The following PLXNC1 variants were observed in gnomAD, a reference collection of about 807,000 sequenced individuals.
PLXNC1 encodes plexin-C1.
Under a neutral mutation model 178.2 loss-of-function variants are expected in PLXNC1, and 75 were observed. The ratio of observed to expected loss-of-function variants is 0.42; its 90% CI spans 0.35 to 0.51. The LOEUF (loss-of-function observed/expected upper bound fraction) is 0.51, where lower values mean the gene tolerates loss of function less well. PLXNC1 is among the 20% of genes least tolerant of loss of function. The pLI is 0.02. For synonymous variants in PLXNC1, 790 were observed against 779.9 expected (o/e 1.01, Z -0.22); for missense variants, 1,503 against 1,984.4 (o/e 0.76, Z 4.61).
rs539709048 is a variant in PLXNC1 at position 94,226,151 on chromosome 12, G to A, written c.1791-454G>A. Among the ~76,000 whole-genome samples the A allele has an allele frequency of 1.6e-3, 243 of 152,268 alleles. 4 individuals are homozygous for A. The highest frequency in any genetic ancestry group is 5.8e-3 in the African/African-American group (239 of 41,546). On this transcript the variant is annotated intron_variant, in intron 7 of 30. Transcript: ENST00000258526. ...ATTATAAAGCAAACACAGGCACCTCGTTGCCTCTGCTTGCCAGCTAACACT... is the reference window on the plus strand; with the variant it reads ...ATTATAAAGCAAACACAGGCACCTCATTGCCTCTGCTTGCCAGCTAACACT...
chr12:94,177,117 A>G (rs146822508), intron 2 of PLXNC1, among the ~76,000 whole-genome samples: 22,315 of 97,516 alleles, frequency 0.23, 3,409 homozygotes, highest in African/African-American at 0.46. Context: ...GTGTGTATAT[A>G]TGTGTGTGTG....
At chr12:94,302,205 C>G (rs1484646060) in intron 28 of PLXNC1, among the ~76,000 whole-genome samples, 1 of 152,214 alleles carries the variant, frequency 6.6e-6, no homozygotes, top group African/African-American at 2.4e-5. Flanking sequence ...CTTCAGCCCT[C>G]TTTGCTGGCC....
chr12:94,241,759 ATCTGTTGATGGAC>A (rs1304359159), intron 11 of PLXNC1, among the ~76,000 whole-genome samples: 1 of 152,044 alleles, frequency 6.6e-6, no homozygotes, highest in African/African-American at 2.4e-5. Context: ...TTATCCTCTA[ATCTGTTGATGGAC>A]ACTTAGGTTG....
intron 3 of PLXNC1, 46 bp from the exon 4 acceptor site, chr12:94,186,327 C>G (rs760231626): frequency 7.3e-7 from 1 of 1,367,930 alleles, no homozygotes; most frequent in Non-Finnish European, 1.0e-6. Flanking sequence ...AGTTTTCCTG[C>G]TGTTGCTTAT....
chr12:94,190,422 G>T (rs1036682339), intron 4 of PLXNC1, among the ~76,000 whole-genome samples: 2 of 151,904 alleles, frequency 1.3e-5, no homozygotes, highest in African/African-American at 4.8e-5. Flanking sequence ...TTTGTATTTT[G>T]TAGAGACGGG....
At chr12:94,243,824 T>A (rs1592803287) in intron 11 of PLXNC1, 114 bp from the exon 12 acceptor site, 1 of 489,052 alleles carries the variant, frequency 2.0e-6, no homozygotes, top group East Asian at 3.1e-5. Context: ...TAATTTGCTC[T>A]CAAACATAAT....
In PLXNC1 at chr12:94,209,654, G is replaced by A. The variant is rs781069331; in HGVS notation, c.1504G>A (p.Gly502Arg). The A allele has an allele frequency of 4.3e-6, 7 of 1,612,498 alleles. No homozygotes were observed. In the African/African-American group the frequency reaches 8.0e-5, roughly 18 times the overall value. ...NLENWLDISS[G>R]AKKCPKIQII... The stretch of plus-strand genomic sequence containing the variant: ...AGAAAACTGGCTGGATATTTCGTCT[G>A]GAGCAAAAAAGTGCCCTAAAATTCA... Residue 502 changes from glycine to arginine, a missense_variant, in exon 5 of 31, where the codon GGA (glycine) becomes AGA (arginine). This residue lies in a region of PLXNC1 where 615 missense variants were observed against 698.6 expected (regional missense o/e 0.88). Transcript: ENST00000258526.
At chr12:94,305,139 TAAAACCACAATATCTAA>T in intron 30 of PLXNC1, 25 bp from the exon 31 acceptor site, 1 of 1,360,964 alleles carries the variant, frequency 7.3e-7, no homozygotes, top group Non-Finnish European at 1.0e-6. Context: ...ATTGTAACGC[TAAAACCACAATATCTAA>T]AATAACTGTT....
Position 94,260,533 on chromosome 12 carries a change from C to T in PLXNC1, c.3252-109C>T. ...TTAAAAAAAAAAAAAAAAAAGCTCC[C>T]AACCCAACAGGCCAGCTCCCTGCCC... On this transcript the variant is annotated intron_variant, in intron 19 of 30. Coordinates refer to ENST00000258526, the MANE Select transcript of PLXNC1 (RefSeq NM_005761.3). The surrounding 1 kb of genome is among the most constrained non-coding windows in gnomAD (Gnocchi z 4.4). The T allele has an allele frequency of 1.6e-6, 1 of 630,688 alleles. No homozygotes were observed. The highest frequency in any genetic ancestry group is 2.7e-6 in the Non-Finnish European group (1 of 376,840). 39.1% of individuals were successfully genotyped at this position (630,688 alleles called of 1,614,324 possible). A position where few individuals can be genotyped will look rare whatever the true frequency, so the allele number is the denominator to read the frequency against.
chr12:94,227,858 G>A (rs1019817829), intron 9 of PLXNC1, among the ~76,000 whole-genome samples: 8 of 152,328 alleles, frequency 5.3e-5, no homozygotes, highest in Admixed American at 2.0e-4. Context: ...ACATTTCTGG[G>A]CGGAACACAT....
In PLXNC1 at chr12:94,254,871, G is replaced by A. The variant is rs375243271; in HGVS notation, c.2966G>A (p.Arg989Gln). The A allele has an allele frequency of 4.3e-6, 7 of 1,610,826 alleles. No homozygotes were observed. The highest frequency in any genetic ancestry group is 1.3e-5 in the African/African-American group (1 of 74,878). Residue 989 changes from arginine to glutamine, a missense_variant, in exon 16 of 31, where the codon CGG becomes CAG. Around this residue, in one of 4 missense-constraint regions of PLXNC1, gnomAD observed 639 missense variants for 979.7 expected, o/e 0.65. Transcript: ENST00000258526. Reference sequence around the variant, plus strand: ...CTAGAATTGCTGGAAAGCGAGCTCCGGAAAGAGATACGTGACGGTAGGCTC... The same window carrying A: ...CTAGAATTGCTGGAAAGCGAGCTCCAGAAAGAGATACGTGACGGTAGGCTC... Reference protein sequence around the residue: ...QQLELLESELRKEIRDGFAEL... With the variant: ...QQLELLESELQKEIRDGFAEL...
chr12:94,241,985 AAAAAG>A (rs1470793068), intron 11 of PLXNC1, among the ~76,000 whole-genome samples: 1 of 148,576 alleles, frequency 6.7e-6, no homozygotes, highest in Non-Finnish European at 1.5e-5. Context: ...GTTAAAAAAA[AAAAAG>A]AAGAAGAAGA....
At chr12:94,192,521 A>G (rs1962765293) in intron 4 of PLXNC1, among the ~76,000 whole-genome samples, 1 of 151,828 alleles carries the variant, frequency 6.6e-6, no homozygotes. Flanking sequence ...ACATTTATTT[A>G]CATTTGTTTT....
intron 1 of PLXNC1, among the ~76,000 whole-genome samples, chr12:94,165,931 T>C (rs929756225): frequency 6.6e-6 from 1 of 152,014 alleles, no homozygotes; most frequent in Non-Finnish European, 1.5e-5. Flanking sequence ...AGGCTTCTGT[T>C]ATCAATGAGG....
At chr12:94,170,661 T>A (rs2135942469) in intron 2 of PLXNC1, among the ~76,000 whole-genome samples, 1 of 152,260 alleles carries the variant, frequency 6.6e-6, no homozygotes, top group Middle Eastern at 3.4e-3. Context: ...CCAACTTGAT[T>A]TTAAGCCTCA....
chr12:94,237,637 C>T (rs200203303), intron 9 of PLXNC1, 27 bp from the exon 10 acceptor site: 2 of 1,599,736 alleles, frequency 1.3e-6, no homozygotes, highest in Non-Finnish European at 1.7e-6. Flanking sequence ...GCTTTGATCT[C>T]CTGTTTTAAT....
At chr12:94,281,709 C>G (rs1265635395) in intron 22 of PLXNC1, 1 of 152,568 alleles carries the variant, frequency 6.6e-6, no homozygotes, top group Non-Finnish European at 1.5e-5. Flanking sequence ...GTCTGAGCTC[C>G]TATGTCCAGC....
At chr12:94,251,384 C>T (rs1231571740) in intron 14 of PLXNC1, 42 bp from the exon 15 acceptor site, 1 of 1,137,264 alleles carries the variant, frequency 8.8e-7, no homozygotes, top group African/African-American at 1.5e-5. Flanking sequence ...TAAATACAGT[C>T]CCCAACTCAA....
intron 4 of PLXNC1, among the ~76,000 whole-genome samples, chr12:94,201,609 C>A (rs1194013986): frequency 6.6e-6 from 1 of 152,146 alleles, no homozygotes; most frequent in Non-Finnish European, 1.5e-5. Context: ...TTGCAAATGG[C>A]ACAACCACTA....
Sources: gnomAD v4.1 joint callset for allele counts (sites outside exome capture counted in the v4.1 genomes callset) on GRCh38, gnomAD v4.1.1 for gene constraint, gnomAD v4.1.1 regional missense constraint, Gnocchi (gnomAD v3.1) non-coding constraint, MANE v1.5 for transcripts, NCBI Gene and HGNC (gene_info 2026-07-23, HGNC 2026-07-21) for gene names.